Variants in PHF14 observed in about 807,000 individuals in gnomAD.
PHF14 encodes the protein PHD finger protein 14.
Under a neutral mutation model 117.9 loss-of-function variants are expected in PHF14, and 55 were observed. The observed-to-expected ratio is 0.47, with a 90% CI of 0.38 to 0.58. The LOEUF (loss-of-function observed/expected upper bound fraction) is 0.58, where lower values mean the gene tolerates loss of function less well. Among genes scored for constraint, PHF14 ranks in the 20% least tolerant of loss-of-function variants. PHF14 has a pLI of 0.00. For missense variants in PHF14, 978 were observed against 1,122.2 expected (o/e 0.87, Z 1.84); for synonymous variants, 409 against 368.6 (o/e 1.11, Z -1.26).
intron 16 of PHF14, among the ~76,000 whole-genome samples, chr7:11,083,412 C>T (rs898025651): frequency 1.1e-4 from 17 of 151,174 alleles, no homozygotes; most frequent in South Asian, 2.1e-4. Flanking sequence ...CCCGTATCAT[C>T]GTGACTGGAA....
At chr7:11,017,345 T>C (rs1009372546) in intron 5 of PHF14, among the ~76,000 whole-genome samples, 8 of 152,214 alleles carry the variant, frequency 5.3e-5, no homozygotes, top group Non-Finnish European at 1.5e-5. Context: ...TGTACTAATA[T>C]ACATTTCATG....
At chr7:11,137,587 A>G (rs1484128593) in intron 17 of PHF14, among the ~76,000 whole-genome samples, 2 of 140,710 alleles carry the variant, frequency 1.4e-5, no homozygotes, top group East Asian at 2.1e-4. Context: ...TAACTTAAAA[A>G]TTCTTTTTTT....
intron 17 of PHF14, among the ~76,000 whole-genome samples, chr7:11,168,316 C>CA (rs1789270578): frequency 6.6e-6 from 1 of 152,118 alleles, no homozygotes; most frequent in Non-Finnish European, 1.5e-5. Flanking sequence ...GTCTAAATCA[C>CA]AGATTCCGTT....
chr7:11,041,663 G>A (rs1250170654), intron 12 of PHF14, among the ~76,000 whole-genome samples: 1 of 151,832 alleles, frequency 6.6e-6, no homozygotes, highest in Non-Finnish European at 1.5e-5. Context: ...TTGTCTTAGT[G>A]TACAATGTGA....
chr7:11,013,066 A>G (rs1017832158), intron 4 of PHF14, among the ~76,000 whole-genome samples: 9 of 152,180 alleles, frequency 5.9e-5, no homozygotes, highest in African/African-American at 1.9e-4. Flanking sequence ...TTTTATATAT[A>G]TATTTTAGTA....
At chr7:11,165,784 C>T (rs558069560) in intron 17 of PHF14, among the ~76,000 whole-genome samples, 6 of 152,204 alleles carry the variant, frequency 3.9e-5, no homozygotes, top group Admixed American at 2.0e-4. Flanking sequence ...AGGGTCTCCT[C>T]TATCACAAAT....
At chr7:11,011,568 A>G (rs1177223896) in intron 4 of PHF14, among the ~76,000 whole-genome samples, 1 of 152,132 alleles carries the variant, frequency 6.6e-6, no homozygotes, top group Non-Finnish European at 1.5e-5. Flanking sequence ...GGATGTTGGG[A>G]TGGTTGCTAT....
intron 17 of PHF14, among the ~76,000 whole-genome samples, chr7:11,152,699 GCAGA>G (rs1374896371): frequency 1.3e-5 from 2 of 152,086 alleles, no homozygotes; most frequent in East Asian, 1.9e-4. Context: ...CTCTAGTAAG[GCAGA>G]CAGACAATCT....
intron 17 of PHF14, among the ~76,000 whole-genome samples, chr7:11,152,339 G>A (rs184987444): frequency 2.0e-5 from 3 of 152,132 alleles, no homozygotes; most frequent in Non-Finnish European, 4.4e-5. Flanking sequence ...ATGTGACCAA[G>A]GGCAGTTCCT....
intron 17 of PHF14, among the ~76,000 whole-genome samples, chr7:11,151,434 CTATAGTTCCA>C (rs1428650434): frequency 2.0e-5 from 3 of 152,040 alleles, no homozygotes; most frequent in African/African-American, 7.2e-5. Flanking sequence ...TGGTGCACAC[CTATAGTTCCA>C]ACTACTTGGG....
intron 17 of PHF14, among the ~76,000 whole-genome samples, chr7:11,112,593 A>G (rs1787482544): frequency 6.6e-6 from 1 of 152,094 alleles, no homozygotes; most frequent in Admixed American, 6.6e-5. Flanking sequence ...AACATGGCGA[A>G]ACCCCATCTC....
chr7:11,151,698 C>A (rs1055406591), intron 17 of PHF14, among the ~76,000 whole-genome samples: 1 of 152,008 alleles, frequency 6.6e-6, no homozygotes, highest in Admixed American at 6.6e-5. Context: ...TTCCCAAGAC[C>A]CCCAGGAGTC....
At chr7:11,016,489 G>A (rs1302364633) in intron 5 of PHF14, among the ~76,000 whole-genome samples, 1 of 152,008 alleles carries the variant, frequency 6.6e-6, no homozygotes, top group African/African-American at 2.4e-5. Flanking sequence ...AAGAAAACCA[G>A]TACATTCTTG....
chr7:11,129,939 T>A (rs1274401494), intron 17 of PHF14, among the ~76,000 whole-genome samples: 1 of 151,936 alleles, frequency 6.6e-6, no homozygotes, highest in African/African-American at 2.4e-5. Flanking sequence ...AACATTTCAA[T>A]AGAATTATAA....
At chr7:11,111,325 A>G (rs1448275487) in intron 16 of PHF14, 25 bp from the exon 17 acceptor site, 6 of 1,087,070 alleles carry the variant, frequency 5.5e-6, no homozygotes, top group Non-Finnish European at 8.4e-6. Flanking sequence ...AGATACACCT[A>G]CCTATAAATC....
Position 10,995,373 on chromosome 7 carries a change from G to C in PHF14, c.1045+4526G>C, listed in dbSNP as rs192964117. On this transcript the variant is annotated intron_variant, in intron 4 of 17. Transcript: ENST00000634607. Reference sequence around the variant, plus strand: ...TTGCGCTAGACACAGAGTGCTGATTGGTGTATTTACAAACCTTGAGCTAGA... The same window carrying C: ...TTGCGCTAGACACAGAGTGCTGATTCGTGTATTTACAAACCTTGAGCTAGA... Among the ~76,000 whole-genome samples, 6 of 149,216 alleles carry C rather than the reference G, an allele frequency of 4.0e-5. No homozygotes were observed. In the East Asian group the frequency reaches 1.2e-3, roughly 30 times the overall value.
intron 11 of PHF14, among the ~76,000 whole-genome samples, chr7:11,040,039 T>G (rs117808190): frequency 0.02 from 3,007 of 152,268 alleles, 40 homozygotes; most frequent in Middle Eastern, 0.044. Flanking sequence ...ATTAAAAGAC[T>G]TTTAACAGAG....
intron 17 of PHF14, among the ~76,000 whole-genome samples, chr7:11,152,787 C>T (rs546110095): frequency 4.6e-5 from 7 of 152,046 alleles, no homozygotes; most frequent in Non-Finnish European, 4.4e-5. Flanking sequence ...GGAGGAAGGG[C>T]AGATTTTGTG....
chr7:11,009,466 C>T (rs1783259526), intron 4 of PHF14, among the ~76,000 whole-genome samples: 1 of 151,538 alleles, frequency 6.6e-6, no homozygotes, highest in Non-Finnish European at 1.5e-5. Flanking sequence ...CTGTGTTACC[C>T]ATTGGAAACA....
Sources: allele counts gnomAD v4.1 joint callset (sites outside exome capture counted in the v4.1 genomes callset), GRCh38; gene constraint gnomAD v4.1.1; transcripts MANE v1.5; gene names NCBI Gene and HGNC (gene_info 2026-07-23, HGNC 2026-07-21).